The following MEGF6 variants were observed in gnomAD, a reference collection of about 807,000 sequenced individuals.
The protein encoded by MEGF6 is multiple EGF like domains 6, also known as multiple epidermal growth factor-like domains protein 6.
In MEGF6, 184 loss-of-function variants were observed where a neutral mutation model predicts 207.1. The ratio of observed to expected loss-of-function variants is 0.89; its 90% CI spans 0.79 to 1.00. The LOEUF is 1.00. MEGF6 is among the 50% of genes least tolerant of loss of function. The pLI, the probability that MEGF6 is intolerant of heterozygous loss-of-function variation, is 0.00. For missense variants in MEGF6, 2,282 were observed against 2,202.9 expected (o/e 1.04, Z -0.72); for synonymous variants, 1,038 against 910.0 (o/e 1.14, Z -2.53).
chr1:3,596,707 G>C (rs1279488790), intron 2 of MEGF6, among the ~76,000 whole-genome samples: 3 of 136,080 alleles, frequency 2.2e-5, no homozygotes, highest in Non-Finnish European at 4.7e-5. Flanking sequence ...GGCACCCCGC[G>C]CCATCCCCTG....
At chr1:3,509,530 G>A (rs114672285) in intron 11 of MEGF6, among the ~76,000 whole-genome samples, 4,131 of 152,300 alleles carry the variant, frequency 0.027, 180 homozygotes, top group African/African-American at 0.094. Flanking sequence ...AGGGGTAGGG[G>A]TGGGAGCAGC....
rs996678154 is a variant in MEGF6 at position 3,584,649 on chromosome 1, G to A, written c.377-4720C>T. On this transcript the variant is annotated intron_variant, in intron 3 of 36. Transcript: ENST00000356575. ...CACCAGAGTCCCAGGGCAGGCCCACGTCCCCTCACCATGCACCAGCAGAAA... is the reference window on the plus strand; with the variant it reads ...CACCAGAGTCCCAGGGCAGGCCCACATCCCCTCACCATGCACCAGCAGAAA... Among the ~76,000 whole-genome samples, 5 of 152,334 alleles carry A rather than the reference G, an allele frequency of 3.3e-5. No homozygotes were observed. The South Asian group carries it at 6.2e-4, about 19-fold the overall frequency.
chr1:3,602,134 C>T (rs1644169744), intron 2 of MEGF6, among the ~76,000 whole-genome samples: 1 of 152,252 alleles, frequency 6.6e-6, no homozygotes, highest in Non-Finnish European at 1.5e-5. Flanking sequence ...AAGCAGCAGC[C>T]TCCCACCGGG....
In MEGF6 at chr1:3,512,534, G is replaced by A. The variant is rs111360937; in HGVS notation, c.854-406C>T. Among the ~76,000 whole-genome samples the A allele has an allele frequency of 6.4e-3, 970 of 152,328 alleles. 9 individuals are homozygous for A. Among genetic ancestry groups the A allele is most frequent in the African/African-American group, 0.022 (901 of 41,564 alleles). The stretch of plus-strand genomic sequence containing the variant: ...TTCCCACGTGTGGTGGGAGGAGCCC[G>A]GTGGGAGGTGATTGAATCATGGGGG... On this transcript the variant is annotated intron_variant, in intron 7 of 36. Coordinates refer to ENST00000356575, the MANE Select transcript of MEGF6 (RefSeq NM_001409.4).
At chr1:3,509,809 G>T in intron 11 of MEGF6, 61 bp downstream of exon 11, 1 of 1,490,644 alleles carries the variant, frequency 6.7e-7, no homozygotes, top group Admixed American at 2.4e-5. Flanking sequence ...GGGACGCAGG[G>T]TCAGCTGGGG....
chr1:3,547,411 G>A (rs1642749335), intron 4 of MEGF6, among the ~76,000 whole-genome samples: 1 of 152,198 alleles, frequency 6.6e-6, no homozygotes, highest in Admixed American at 6.5e-5. Flanking sequence ...CTTGGCAGAG[G>A]AGGTGGCCCT....
chr1:3,578,928 C>CACCCAGCTCAGAATG (rs1557791112), intron 4 of MEGF6, among the ~76,000 whole-genome samples: 9 of 152,150 alleles, frequency 5.9e-5, no homozygotes, highest in South Asian at 4.1e-4. Context: ...GCAGGGGTGT[C>CACCCAGCTCAGAATG]CTTCACAAAC....
intron 13 of MEGF6, among the ~76,000 whole-genome samples, chr1:3,508,336 C>T (rs1407537421): frequency 6.6e-6 from 1 of 152,224 alleles, no homozygotes; most frequent in African/African-American, 2.4e-5. Flanking sequence ...TTGCTTGTTC[C>T]CAGGGAATCC....
At chr1:3,551,365 G>GA (rs1642878528) in intron 4 of MEGF6, among the ~76,000 whole-genome samples, 1 of 152,154 alleles carries the variant, frequency 6.6e-6, no homozygotes, top group Admixed American at 6.5e-5. Context: ...AAAGGGGTGG[G>GA]ATGTGGGGAG....
In MEGF6 at chr1:3,509,810, T is replaced by A. The variant is rs1056496195; in HGVS notation, c.1357+60A>T. 42 of 1,488,102 alleles carry A rather than the reference T, an allele frequency of 2.8e-5. No individual in the cohort carries two copies. In the African/African-American group the frequency reaches 5.5e-4, roughly 20 times the overall value. The allele number at this position is 1,488,102 out of a possible 1,614,324, so 92.2% of individuals were successfully genotyped here. On this transcript the variant is annotated intron_variant, in intron 11 of 36. Coordinates refer to ENST00000356575, the MANE Select transcript of MEGF6 (RefSeq NM_001409.4). The stretch of plus-strand genomic sequence containing the variant: ...TGGGCCAGGCCTGCGGGACGCAGGG[T>A]CAGCTGGGGCAAACTCGAGAAGGCA...
At chr1:3,603,416 C>T (rs1372257476) in intron 1 of MEGF6, among the ~76,000 whole-genome samples, 1 of 152,142 alleles carries the variant, frequency 6.6e-6, no homozygotes, top group Non-Finnish European at 1.5e-5. Context: ...CGGGCTCCCT[C>T]CACAGAGGCA....
rs74050545 is a variant in MEGF6, at chr1:3,490,363, T to C, written c.*165A>G. Reference sequence around the variant, plus strand: ...TTCCCTCCTCAAGGCCACACCAGCCTCCAAGAGCGACAGGTTGCTGGGCTG... The same window carrying C: ...TTCCCTCCTCAAGGCCACACCAGCCCCCAAGAGCGACAGGTTGCTGGGCTG... On this transcript the variant is annotated 3_prime_UTR_variant, in exon 37 of 37. Coordinates refer to ENST00000356575, the MANE Select transcript of MEGF6 (RefSeq NM_001409.4). 9,187 of 742,678 alleles carry C rather than the reference T, an allele frequency of 0.012. 667 individuals carry two copies. The African/African-American group carries it at 0.15, about 12-fold the overall frequency. The allele number at this position is 742,678 out of a possible 1,614,324, so 46.0% of individuals were successfully genotyped here. A position where few individuals can be genotyped will look rare whatever the true frequency, so the allele number is the denominator to read the frequency against.
At chr1:3,555,859 T>C (rs946111539) in intron 4 of MEGF6, among the ~76,000 whole-genome samples, 4 of 152,258 alleles carry the variant, frequency 2.6e-5, no homozygotes, top group Admixed American at 2.6e-4. Context: ...AAGACTGAGC[T>C]GGCATCCTTC....
chr1:3,595,323 G>C lies in MEGF6; in HGVS notation c.376+15C>G. 6.3e-7 allele frequency: 1 copy of C among 1,591,324 alleles called. No individual in the cohort carries two copies. Among genetic ancestry groups the C allele is most frequent in the Non-Finnish European group, 8.6e-7 (1 of 1,161,436 alleles). ...GGAGGTGGAGGGAGGGCGGGGAGGC[G>C]CAGGCGGCACTCACCCGAGAGGCAG... On this transcript the variant is annotated intron_variant, in intron 3 of 36. Coordinates refer to ENST00000356575, the MANE Select transcript of MEGF6 (RefSeq NM_001409.4).
upstream of MEGF6, among the ~76,000 whole-genome samples, chr1:3,612,518 G>A (rs938796188): frequency 2.6e-5 from 4 of 152,174 alleles, no homozygotes; most frequent in East Asian, 1.9e-4. Context: ...TTTGAATAGC[G>A]GAGGGAGGTG....
At chr1:3,592,193 G>A (rs1460369962) in intron 3 of MEGF6, among the ~76,000 whole-genome samples, 1 of 152,226 alleles carries the variant, frequency 6.6e-6, no homozygotes, top group Non-Finnish European at 1.5e-5. Context: ...GTGCCCCCAG[G>A]CCTGCAGGTC....
intron 4 of MEGF6, among the ~76,000 whole-genome samples, chr1:3,559,065 G>A (rs569722650): frequency 2.6e-5 from 4 of 152,156 alleles, no homozygotes; most frequent in East Asian, 1.9e-4. Flanking sequence ...AAATAAAACC[G>A]AATATCTTAG....
At chr1:3,609,353 G>C (rs76066634) in intron 1 of MEGF6, among the ~76,000 whole-genome samples, 2 of 152,196 alleles carry the variant, frequency 1.3e-5, no homozygotes, top group South Asian at 4.1e-4. Flanking sequence ...CACCAACTCC[G>C]GCCCACTGCG....
chr1:3,499,328 A>ACG (rs1381713984), intron 23 of MEGF6, 62 bp from the exon 24 acceptor site: 1 of 1,537,946 alleles, frequency 6.5e-7, no homozygotes, highest in Non-Finnish European at 8.8e-7. Context: ...TTGGCAGCAG[A>ACG]TCACAGCCAG....
Sources: gnomAD v4.1 joint callset for allele counts (sites outside exome capture counted in the v4.1 genomes callset) on GRCh38, gnomAD v4.1.1 for gene constraint, MANE v1.5 for transcripts, NCBI Gene and HGNC (gene_info 2026-07-23, HGNC 2026-07-21) for gene names.